FAM178B: variants seen among roughly 807,000 people sequenced by gnomAD.
FAM178B encodes the protein family with sequence similarity 178 member B.
FAM178B carries 82 observed loss-of-function variants against 91.7 expected under a neutral mutation model. That is an observed-to-expected ratio of 0.89 (90% CI 0.75 to 1.07). FAM178B has a LOEUF of 1.07. Ranked by LOEUF, FAM178B falls within the 50% of genes least tolerant of loss-of-function variation. The probability of loss-of-function intolerance (pLI) is 0.00; values close to 1 mark genes in which losing one functional copy is unlikely to be tolerated. For synonymous variants in FAM178B, 368 were observed against 359.4 expected (o/e 1.02, Z -0.27); for missense variants, 769 against 846.7 (o/e 0.91, Z 1.14).
At chr2:96,894,930 C>T (rs2080789743) in intron 13 of FAM178B, 7 of 557,320 alleles carry the variant, frequency 1.3e-5, no homozygotes, top group Admixed American at 1.2e-4. Context: ...CATCCCCACC[C>T]CCTGCACTGC....
intron 12 of FAM178B, among the ~76,000 whole-genome samples, chr2:96,914,234 CCT>C (rs1171724392): frequency 6.6e-6 from 1 of 152,118 alleles, no homozygotes; most frequent in Non-Finnish European, 1.5e-5. Context: ...TGTGCAGAGC[CCT>C]GAGGTGGCAG....
chr2:96,929,182 C>T, intron 9 of FAM178B, 24 bp downstream of exon 9: 1 of 1,443,570 alleles, frequency 6.9e-7, no homozygotes. Context: ...AAGAAAAAGG[C>T]AGTGAGGAAG....
chr2:96,876,222 C>G lies in FAM178B; in HGVS notation c.*54G>C, dbSNP rs1574165053. 7.0e-6 allele frequency: 11 copies of G among 1,567,600 alleles called. No homozygotes were observed. The East Asian group carries it at 2.5e-4, about 36-fold the overall frequency. On this transcript the variant is annotated 3_prime_UTR_variant, in exon 17 of 17. Coordinates refer to ENST00000490605, the MANE Select transcript of FAM178B (RefSeq NM_001122646.3). ...GCTTCGCTTCCTCCAGTTCCCTGAG[C>G]CTGTTCACTTCCTGCTGAAGCCAGG...
intron 12 of FAM178B, among the ~76,000 whole-genome samples, chr2:96,919,798 C>G (rs2081302510): frequency 6.6e-6 from 1 of 152,184 alleles, no homozygotes; most frequent in Admixed American, 6.5e-5. Flanking sequence ...CCTGCCCTCT[C>G]CCAACTGTGC....
In FAM178B at chr2:96,878,382, C is replaced by A. The variant is rs1333832017; in HGVS notation, c.1854+34G>T. The stretch of plus-strand genomic sequence containing the variant: ...TTGGGGGAGAAGACACAGCTGGGCA[C>A]CCCCACCACAGCCCTGCCCCTTGGG... On this transcript the variant is annotated intron_variant, in intron 15 of 16. Transcript: ENST00000490605. 3 of 1,595,930 alleles carry A rather than the reference C, an allele frequency of 1.9e-6. No homozygotes were observed. The East Asian group carries it at 6.7e-5, about 36-fold the overall frequency.
chr2:96,972,575 C>G lies in FAM178B; in HGVS notation c.105G>C (p.Gly35=). 6.4e-7 allele frequency: 1 copy of G among 1,551,644 alleles called. No homozygotes were observed. The highest frequency in any genetic ancestry group is 8.7e-7 in the Non-Finnish European group (1 of 1,146,980). The stretch of plus-strand genomic sequence containing the variant: ...GAAGGGCTAGCACCGTCTCCTGGGG[C>G]CCAGCCATCTGCAAGCCGTGGGACA... ...GQMSHGLQMA[G]PQETVLALPL... The change falls in exon 2 of 17, where the codon GGG becomes GGC. Residue 35 remains glycine (G), a synonymous_variant. Transcript: ENST00000490605.
At chr2:96,985,182 A>T (rs1412767473) in intron 1 of FAM178B, among the ~76,000 whole-genome samples, 1 of 152,194 alleles carries the variant, frequency 6.6e-6, no homozygotes, top group Non-Finnish European at 1.5e-5. Context: ...GTCAAACAGG[A>T]GACAGCGTTA....
chr2:96,878,355 G>C, intron 15 of FAM178B, 61 bp downstream of exon 15: 1 of 1,504,590 alleles, frequency 6.6e-7, no homozygotes, highest in Non-Finnish European at 9.2e-7. Flanking sequence ...AACCCCCGCC[G>C]CTTGGGGGAG....
rs533935139 is a variant in FAM178B, at chr2:96,969,528, G to A, written c.626+1188C>T. Among the ~76,000 whole-genome samples the A allele has an allele frequency of 2.0e-4, 31 of 152,326 alleles. No homozygotes were observed. The South Asian group carries it at 6.4e-3, about 32-fold the overall frequency. On this transcript the variant is annotated intron_variant, in intron 4 of 16. Transcript: ENST00000490605. ...CAGTGTGTGCCATCCTGTTACAGCA[G>A]CCCGAGCTGACTAGCACAGAGCAGG... is the stretch of plus-strand genomic sequence containing the variant.
At chr2:96,961,929 C>G (rs902553152) in intron 5 of FAM178B, among the ~76,000 whole-genome samples, 1 of 152,312 alleles carries the variant, frequency 6.6e-6, no homozygotes, top group Middle Eastern at 3.4e-3. Flanking sequence ...ACCACACAAA[C>G]GGTAAAACAA....
At chr2:96,880,656 G>A (rs1288528440) in intron 14 of FAM178B, among the ~76,000 whole-genome samples, 4 of 152,088 alleles carry the variant, frequency 2.6e-5, no homozygotes, top group East Asian at 3.9e-4. Context: ...GTGCAGTGGC[G>A]CAATCTCCGC....
Position 96,921,239 on chromosome 2 carries a change from C to T in FAM178B, c.1488G>A (p.Leu496=), listed in dbSNP as rs770841122. Residue 496 remains leucine (L), a synonymous_variant, in exon 12 of 17, where the codon CTG becomes CTA. Transcript: ENST00000490605. ...TGTGGTGGTGGTCAGACACCCAGCT[C>T]AGGGTGCAGCACAGTTCCTGGAGCT... The part of the protein sequence containing the change: ...PGKLQELCCT[L]SWVSDHHHNL... 9 of 1,551,486 alleles carry T rather than the reference C, an allele frequency of 5.8e-6. No homozygotes were observed. Among genetic ancestry groups the T allele is most frequent in the South Asian group, 4.8e-5 (4 of 84,050 alleles).
intron 1 of FAM178B, among the ~76,000 whole-genome samples, chr2:96,984,831 G>A (rs2082403658): frequency 6.6e-6 from 1 of 152,190 alleles, no homozygotes; most frequent in African/African-American, 2.4e-5. Context: ...ACAAAAGGGT[G>A]CAGGCTGAGG....
chr2:96,943,025 G>A (rs375397885), intron 8 of FAM178B, among the ~76,000 whole-genome samples: 1 of 152,130 alleles, frequency 6.6e-6, no homozygotes, highest in East Asian at 1.9e-4. Flanking sequence ...CTAAATTTAT[G>A]AGCTAAAAGT....
intron 15 of FAM178B, 37 bp from the exon 16 acceptor site, chr2:96,878,079 C>T: frequency 1.3e-6 from 2 of 1,599,656 alleles, no homozygotes; most frequent in South Asian, 2.2e-5. Context: ...GCGGGTGTAG[C>T]ACAAGCCAGG....
At chr2:96,984,697 C>T (rs1480688199) in intron 1 of FAM178B, among the ~76,000 whole-genome samples, 1 of 152,236 alleles carries the variant, frequency 6.6e-6, no homozygotes, top group East Asian at 1.9e-4. Flanking sequence ...TGTTTCTTCC[C>T]TCTCCCAACC....
intron 8 of FAM178B, among the ~76,000 whole-genome samples, chr2:96,947,009 C>CT (rs1409508407): frequency 6.6e-6 from 1 of 152,220 alleles, no homozygotes; most frequent in Non-Finnish European, 1.5e-5. Flanking sequence ...TGGCCTTGGC[C>CT]TTCAGGGCCA....
intron 14 of FAM178B, among the ~76,000 whole-genome samples, chr2:96,883,740 G>A (rs1426409675): frequency 6.6e-6 from 1 of 152,194 alleles, no homozygotes; most frequent in African/African-American, 2.4e-5. Flanking sequence ...AGCCGTCCCT[G>A]CCTCTCACTC....
At chr2:96,940,958 G>A (rs2081719364) in intron 8 of FAM178B, among the ~76,000 whole-genome samples, 1 of 152,210 alleles carries the variant, frequency 6.6e-6, no homozygotes, top group Non-Finnish European at 1.5e-5. Context: ...GACCTGCCTT[G>A]TGCAGGCTGT....
Sources: allele counts gnomAD v4.1 joint callset (sites outside exome capture counted in the v4.1 genomes callset), GRCh38; gene constraint gnomAD v4.1.1; transcripts MANE v1.5; gene names NCBI Gene and HGNC (gene_info 2026-07-23, HGNC 2026-07-21).